FAM149A: variants seen among roughly 807,000 people sequenced by gnomAD.
FAM149A encodes protein FAM149A.
A neutral mutation model predicts 78.2 loss-of-function variants in FAM149A; 71 were observed. The observed-to-expected ratio is 0.91, with a 90% CI of 0.75 to 1.11. FAM149A has a LOEUF of 1.11. Among genes scored for constraint, FAM149A ranks in the 50% least tolerant of loss-of-function variants. FAM149A has a pLI of 0.00. For synonymous variants in FAM149A, 446 were observed against 410.5 expected (o/e 1.09, Z -1.04); for missense variants, 1,036 against 971.0 (o/e 1.07, Z -0.89).
intron 13 of FAM149A, among the ~76,000 whole-genome samples, chr4:186,167,895 C>T (rs1001706926): frequency 1.4e-4 from 22 of 152,072 alleles, no homozygotes; most frequent in Non-Finnish European, 2.9e-4. Flanking sequence ...CTCTCTGGCC[C>T]TCAGCTTCCT....
chr4:186,148,436 T>C (rs999775475), intron 1 of FAM149A, among the ~76,000 whole-genome samples: 2 of 152,192 alleles, frequency 1.3e-5, no homozygotes, highest in African/African-American at 2.4e-5. Flanking sequence ...GAAAATAAGA[T>C]TTCTATTGAA....
chr4:186,119,618 T>C (rs2099315140), intron 1 of FAM149A, among the ~76,000 whole-genome samples: 1 of 152,230 alleles, frequency 6.6e-6, no homozygotes, highest in Non-Finnish European at 1.5e-5. Context: ...TAACTTGAAA[T>C]TATTTTTAAA....
In FAM149A at chr4:186,172,038, A is replaced by G; in HGVS notation, c.*51A>G. ...CACCTGTGGCCTCGGCACACTGCTTATCACTTGAAAAATGGAGGAACAAGT... is the reference window on the plus strand; with the variant it reads ...CACCTGTGGCCTCGGCACACTGCTTGTCACTTGAAAAATGGAGGAACAAGT... On this transcript the variant is annotated 3_prime_UTR_variant, in exon 14 of 14. Coordinates refer to ENST00000389354, the MANE Select transcript of FAM149A (RefSeq NM_001367768.3). 6.9e-6 allele frequency: 11 copies of G among 1,586,976 alleles called. No homozygotes were observed. Among genetic ancestry groups the G allele is most frequent in the Non-Finnish European group, 9.4e-6 (11 of 1,170,146 alleles).
At position 186,128,040 on chromosome 4, in the gene FAM149A, G is replaced by T. The variant is rs528119470; in HGVS notation, c.567-21133G>T. ...AGTTTCACTTTTGTTGCCCAGGCTG[G>T]AGTGCAATGGTACGATTTCAGCTCA... On this transcript the variant is annotated intron_variant, in intron 1 of 13. Coordinates refer to ENST00000389354, the MANE Select transcript of FAM149A (RefSeq NM_001367768.3). Among the ~76,000 whole-genome samples, 11 of 134,462 alleles carry T rather than the reference G, an allele frequency of 8.2e-5. No individual in the cohort carries two copies. The East Asian group carries it at 1.8e-3, about 23-fold the overall frequency. The allele number at this position is 134,462 out of a possible 152,430, so 88.2% of individuals were successfully genotyped here.
chr4:186,132,352 T>C, intron 1 of FAM149A: 1 of 465,660 alleles, frequency 2.1e-6, no homozygotes, highest in South Asian at 9.0e-5. Context: ...CAGTGGGCCA[T>C]GGGAGCCCAG....
rs1353503566 is a variant in FAM149A, at chr4:186,151,995, G to A, written c.882G>A (p.Gln294=). The A allele has an allele frequency of 1.7e-5, 27 of 1,614,096 alleles. No homozygotes were observed. Among genetic ancestry groups the A allele is most frequent in the Non-Finnish European group, 2.2e-5 (26 of 1,180,054 alleles). ...AAGGGAAAGTGAACCCTCAGACCCAGAGTCTGCTGGCCGAATGCGGGGAGT... is the reference window on the plus strand; with the variant it reads ...AAGGGAAAGTGAACCCTCAGACCCAAAGTCTGCTGGCCGAATGCGGGGAGT... The change falls in exon 4 of 14, where the codon CAG becomes CAA. Residue 294 remains glutamine, a synonymous_variant. Coordinates refer to ENST00000389354, the MANE Select transcript of FAM149A (RefSeq NM_001367768.3).
chr4:186,143,959 G>A (rs1732757668), intron 1 of FAM149A: 1 of 152,224 alleles, frequency 6.6e-6, no homozygotes, highest in African/African-American at 2.4e-5. Context: ...TACTTGGCAG[G>A]AGAAATTGTA....
intron 1 of FAM149A, among the ~76,000 whole-genome samples, chr4:186,106,579 C>T (rs892038576): frequency 1.3e-5 from 2 of 152,036 alleles, no homozygotes; most frequent in Non-Finnish European, 2.9e-5. Flanking sequence ...GTAATTTTTG[C>T]ATTCATACTG....
Position 186,164,276 on chromosome 4 carries a change from TG to T in FAM149A, c.1889+646del, listed in dbSNP as rs1212281774. 5.3e-5 allele frequency among the ~76,000 whole-genome samples: 8 copies of T among 152,236 alleles called. No homozygotes were observed. Among genetic ancestry groups the T allele is most frequent in the African/African-American group, 1.9e-4 (8 of 41,458 alleles). On this transcript the variant is annotated intron_variant, in intron 10 of 13. Coordinates refer to ENST00000389354, the MANE Select transcript of FAM149A (RefSeq NM_001367768.3). The surrounding 1 kb of genome is among the most constrained non-coding windows in gnomAD (Gnocchi z 4.0). The stretch of plus-strand genomic sequence containing the variant: ...TCCCCACCACAAAACTTTATATTGT[TG>T]GGACTCATACTATCCCAAATCTGAG...
intron 1 of FAM149A, among the ~76,000 whole-genome samples, chr4:186,126,554 A>G (rs1173722157): frequency 6.6e-6 from 1 of 152,182 alleles, no homozygotes; most frequent in Non-Finnish European, 1.5e-5. Context: ...GATCTCGGAC[A>G]TCCAACTCTT....
At chr4:186,145,971 A>G (rs1733006611) in intron 1 of FAM149A, among the ~76,000 whole-genome samples, 1 of 152,094 alleles carries the variant, frequency 6.6e-6, no homozygotes, top group Admixed American at 6.5e-5. Flanking sequence ...CAGAGAAACC[A>G]AAGAACCAAA....
chr4:186,109,650 T>A, intron 1 of FAM149A: 1 of 984,500 alleles, frequency 1.0e-6, no homozygotes, highest in Non-Finnish European at 1.2e-6. Flanking sequence ...ATAAGTAATA[T>A]ATGGAGAAAT....
In FAM149A at chr4:186,172,333, C is replaced by CGGCTGGGCGCGG; in HGVS notation, c.*346_*347insGGCTGGGCGCGG. On this transcript the variant is annotated 3_prime_UTR_variant, in exon 14 of 14. Transcript: ENST00000389354. ...CTAATTACATGTAAGAATATATTAT[C>CGGCTGGGCGCGG]TAGGAATATGTCATTTGTAACTTTG... 8.0e-6 allele frequency: 1 copy of CGGCTGGGCGCGG among 125,158 alleles called. No homozygotes were observed. 7.8% of individuals were successfully genotyped at this position (125,158 alleles called of 1,614,324 possible).
At chr4:186,149,039 T>A in intron 1 of FAM149A, 134 bp from the exon 2 acceptor site, 57 of 388,342 alleles carry the variant, frequency 1.5e-4, no homozygotes, top group Non-Finnish European at 2.3e-4. Context: ...TGTGCGCTCA[T>A]GCACAGGTGG....
chr4:186,155,577 A>G (rs1733979186), intron 6 of FAM149A, among the ~76,000 whole-genome samples: 1 of 152,252 alleles, frequency 6.6e-6, no homozygotes, highest in Non-Finnish European at 1.5e-5. Context: ...AACACAACAT[A>G]TTAAAACCAA....
chr4:186,143,149 C>CTTTTTTTTTTTT (rs141403092), intron 1 of FAM149A, among the ~76,000 whole-genome samples: 1 of 85,038 alleles, frequency 1.2e-5, no homozygotes. Context: ...TCGATTTTTA[C>CTTTTTTTTTTTT]TTTTTTTTTT....
At position 186,149,204 on chromosome 4, in the gene FAM149A, G is replaced by A. The variant is rs1281887069; in HGVS notation, c.598G>A (p.Gly200Ser). Reference sequence around the variant, plus strand: ...ACTGTCAGAAGGACGTAGAAGGCACGGTTTTACTGTGAGGAGCAAAGATTC... The same window carrying A: ...ACTGTCAGAAGGACGTAGAAGGCACAGTTTTACTGTGAGGAGCAAAGATTC... Residue 200 changes from glycine (G) to serine (S), a missense_variant, in exon 2 of 14, where the codon GGT becomes AGT. By Grantham distance (56) the Gly-to-Ser change is moderately conservative. Coordinates refer to ENST00000389354, the MANE Select transcript of FAM149A (RefSeq NM_001367768.3). The A allele has an allele frequency of 5.4e-6, 7 of 1,288,660 alleles. No individual in the cohort carries two copies. The highest frequency in any genetic ancestry group is 3.0e-5 in the African/African-American group (2 of 65,768). 79.8% of individuals were successfully genotyped at this position (1,288,660 alleles called of 1,614,324 possible). A position where few individuals can be genotyped will look rare whatever the true frequency, so the allele number is the denominator to read the frequency against.
At position 186,156,002 on chromosome 4, in the gene FAM149A, A is replaced by T. The variant is rs192140289; in HGVS notation, c.1232A>T (p.Asp411Val). The T allele has an allele frequency of 1.5e-5, 24 of 1,609,868 alleles. No individual in the cohort carries two copies. The Admixed American group carries it at 2.9e-4, about 19-fold the overall frequency. ...TTGGAGTGGGTTTTTATTCTTAGTG[A>T]TGATGAATGTCTTGAACAAAAACCA... The change falls in exon 7 of 14, where the codon GAT (aspartate) becomes GTT (valine). Residue 411 changes from aspartate to valine, a missense_variant and splice_region_variant. Transcript: ENST00000389354.
intron 1 of FAM149A, among the ~76,000 whole-genome samples, chr4:186,135,819 A>G (rs2099322446): frequency 6.6e-6 from 1 of 152,150 alleles, no homozygotes; most frequent in African/African-American, 2.4e-5. Context: ...AGACCCACAA[A>G]AGTGCACACT....
Sources: gnomAD v4.1 joint callset for allele counts (sites outside exome capture counted in the v4.1 genomes callset) on GRCh38, gnomAD v4.1.1 for gene constraint, Gnocchi (gnomAD v3.1) non-coding constraint, MANE v1.5 for transcripts, NCBI Gene and HGNC (gene_info 2026-07-23, HGNC 2026-07-21) for gene names.